The following FHL2 variants were observed in gnomAD, a reference collection of about 807,000 sequenced individuals.
FHL2 encodes the protein four and a half LIM domains 2.
In FHL2, 20 loss-of-function variants were observed where a neutral mutation model predicts 32.7. That is an observed-to-expected ratio of 0.61 (90% confidence interval 0.43 to 0.89). The LOEUF is 0.89. Ranked by LOEUF, FHL2 falls within the 40% of genes least tolerant of loss-of-function variation. The pLI, the probability that FHL2 is intolerant of heterozygous loss-of-function variation, is 0.00. For missense variants in FHL2, 311 were observed against 358.6 expected, an observed-to-expected ratio of 0.87 and a Z score of 1.07; for synonymous variants, 123 against 128.1, an observed-to-expected ratio of 0.96 and a Z score of 0.27.
chr2:105,399,773 G>A, upstream of FHL2: 1 of 697,532 alleles, frequency 1.4e-6, no homozygotes, highest in Non-Finnish European at 2.2e-6. Flanking sequence ...GGAGAGCACA[G>A]GTTGAGCCCA....
intron 1 of FHL2, among the ~76,000 whole-genome samples, chr2:105,418,319 G>A (rs1233592238): frequency 6.6e-6 from 1 of 152,050 alleles, no homozygotes; most frequent in Non-Finnish European, 1.5e-5. Context: ...AGGCAGATAA[G>A]CACCAGGGCA....
At chr2:105,399,372 T>G, upstream of FHL2, 2 of 1,535,986 alleles carry the variant, frequency 1.3e-6, no homozygotes, top group Non-Finnish European at 1.7e-6. Flanking sequence ...CCGGGATCTC[T>G]GCCTGGTCCC....
chr2:105,418,864 T>C (rs1684015218), intron 1 of FHL2, among the ~76,000 whole-genome samples: 1 of 152,238 alleles, frequency 6.6e-6, no homozygotes. Context: ...TTTATTATTA[T>C]TTATTGTTAA....
chr2:105,431,677 A>G (rs1328730327), intron 1 of FHL2, among the ~76,000 whole-genome samples: 1 of 152,170 alleles, frequency 6.6e-6, no homozygotes, highest in African/African-American at 2.4e-5. Context: ...TTTTATTTTG[A>G]CTTGGGAAGC....
rs186352360 is a variant in FHL2, at chr2:105,372,998, C to T, written c.331+561G>A. On this transcript the variant is annotated intron_variant, in intron 4 of 6. Coordinates refer to ENST00000530340, the MANE Select transcript of FHL2 (RefSeq NM_001318895.3). The stretch of plus-strand genomic sequence containing the variant: ...ACAAAAAAACCATGAGGGACACAGT[C>T]CCATCAACACACAAGGCACCTTTAT... Among the ~76,000 whole-genome samples the T allele has an allele frequency of 2.6e-5, 4 of 152,342 alleles. No individual in the cohort carries two copies. In the East Asian group the frequency reaches 7.7e-4, roughly 29 times the overall value.
rs78440705 is a variant in FHL2, at chr2:105,414,233, C to T, written c.-25+24166G>A. ...GTTTCCTCCTTGGGGTCACCACCCT[C>T]CAGGAACCTCCCTATGTTCAACCAT... is the stretch of plus-strand genomic sequence containing the variant. On this transcript the variant is annotated intron_variant, in intron 1 of 5. Coordinates refer to the FHL2 transcript ENST00000393352. Among the ~76,000 whole-genome samples, 181 of 152,288 alleles carry T rather than the reference C, an allele frequency of 1.2e-3. 3 individuals carry two copies. In the East Asian group the frequency reaches 0.031, roughly 26 times the overall value.
chr2:105,391,029 C>T (rs1682693276), intron 2 of FHL2, among the ~76,000 whole-genome samples: 1 of 151,536 alleles, frequency 6.6e-6, no homozygotes, highest in African/African-American at 2.4e-5. Context: ...GACGGAGTTT[C>T]ACCATGTTGG....
intron 1 of FHL2, among the ~76,000 whole-genome samples, chr2:105,435,625 C>T (rs1403932222): frequency 6.6e-6 from 1 of 151,444 alleles, no homozygotes; most frequent in Non-Finnish European, 1.5e-5. Flanking sequence ...AGTTCATGAC[C>T]AGCCTGGCCA....
intron 1 of FHL2, among the ~76,000 whole-genome samples, chr2:105,435,807 G>C (rs1027001583): frequency 6.6e-6 from 1 of 152,156 alleles, no homozygotes; most frequent in African/African-American, 2.4e-5. Context: ...GGGTGACAGA[G>C]TGAGACTCCT....
At chr2:105,415,372 C>G (rs767721233) in intron 1 of FHL2, among the ~76,000 whole-genome samples, 9 of 152,282 alleles carry the variant, frequency 5.9e-5, no homozygotes, top group Non-Finnish European at 1.2e-4. Flanking sequence ...CTGGGGAGAA[C>G]TAAGGAAGAG....
intron 2 of FHL2, among the ~76,000 whole-genome samples, chr2:105,394,678 T>C (rs1683001289): frequency 6.6e-6 from 1 of 152,200 alleles, no homozygotes; most frequent in African/African-American, 2.4e-5. Context: ...TTTTAAATTG[T>C]TGGATTTTAA....
chr2:105,394,178 C>T (rs1682949348), intron 2 of FHL2, among the ~76,000 whole-genome samples: 1 of 152,162 alleles, frequency 6.6e-6, no homozygotes, highest in East Asian at 1.9e-4. Flanking sequence ...ACCCCCAACA[C>T]TCTTCATTTG....
At chr2:105,413,287 T>G (rs1683848055) in intron 1 of FHL2, among the ~76,000 whole-genome samples, 1 of 152,210 alleles carries the variant, frequency 6.6e-6, no homozygotes, top group Non-Finnish European at 1.5e-5. Flanking sequence ...AAAAAGGGAC[T>G]GAAAAATTTC....
intron 1 of FHL2, among the ~76,000 whole-genome samples, chr2:105,416,057 C>T (rs914542507): frequency 6.6e-6 from 1 of 152,182 alleles, no homozygotes; most frequent in Non-Finnish European, 1.5e-5. Flanking sequence ...GAGTACAGCC[C>T]TATCTACTCT....
upstream of FHL2, among the ~76,000 whole-genome samples, chr2:105,403,418 C>A (rs375417580): frequency 1.8e-4 from 27 of 152,300 alleles, 1 homozygote; most frequent in South Asian, 5.4e-3. Flanking sequence ...TTCCAATTAT[C>A]CTGACATTCC....
At chr2:105,381,706 C>G (rs1681899619) in intron 3 of FHL2, among the ~76,000 whole-genome samples, 1 of 152,112 alleles carries the variant, frequency 6.6e-6, no homozygotes, top group Non-Finnish European at 1.5e-5. Flanking sequence ...AGGAGGAAAT[C>G]CAAATAAATA....
intron 3 of FHL2, among the ~76,000 whole-genome samples, chr2:105,379,045 C>T (rs564491245): frequency 1.3e-5 from 2 of 152,258 alleles, no homozygotes; most frequent in South Asian, 4.1e-4. Context: ...ATCCCAGGAG[C>T]ACGTGATTAA....
chr2:105,361,643 T>G (rs1257820046), intron 6 of FHL2, among the ~76,000 whole-genome samples: 1 of 152,190 alleles, frequency 6.6e-6, no homozygotes, highest in African/African-American at 2.4e-5. Context: ...AAGAGATATA[T>G]AAACTGGTTC....
At chr2:105,408,530 C>G (rs1198583790) in intron 1 of FHL2, among the ~76,000 whole-genome samples, 1 of 152,224 alleles carries the variant, frequency 6.6e-6, no homozygotes, top group East Asian at 1.9e-4. Context: ...CTTCACCCAG[C>G]CAGTTGGCTT....
Sources: allele counts gnomAD v4.1 joint callset (sites outside exome capture counted in the v4.1 genomes callset), GRCh38; gene constraint gnomAD v4.1.1; transcripts MANE v1.5; gene names NCBI Gene and HGNC (gene_info 2026-07-23, HGNC 2026-07-21).